Variants in RAB37 observed in about 807,000 individuals in gnomAD.
The protein encoded by RAB37 is ras-related protein Rab-37.
A neutral mutation model predicts 33.1 loss-of-function variants in RAB37; 29 were observed. The ratio of observed to expected loss-of-function variants is 0.88; its 90% confidence interval spans 0.65 to 1.20. The LOEUF is 1.20. Ranked by LOEUF, RAB37 falls within the 50% of genes most tolerant of loss-of-function variation. The pLI, the probability that RAB37 is intolerant of heterozygous loss-of-function variation, is 0.00. For missense variants in RAB37, 299 were observed against 301.1 expected (o/e 0.99, Z 0.05); for synonymous variants, 128 against 119.5 (o/e 1.07, Z -0.47).
At chr17:74,688,131 T>C (rs1166678455) in intron 1 of RAB37, among the ~76,000 whole-genome samples, 2 of 152,224 alleles carry the variant, frequency 1.3e-5, no homozygotes, top group African/African-American at 2.4e-5. Flanking sequence ...TGCTCACAGC[T>C]GGCAGGCTCT....
chr17:74,714,112 G>A (rs371498844), intron 1 of RAB37, among the ~76,000 whole-genome samples: 8 of 151,962 alleles, frequency 5.3e-5, no homozygotes, highest in African/African-American at 1.9e-4. Context: ...TCGGGAGGCC[G>A]AGGTAGGAGA....
intron 1 of RAB37, among the ~76,000 whole-genome samples, chr17:74,708,709 G>A (rs945422647): frequency 3.3e-5 from 5 of 152,154 alleles, no homozygotes; most frequent in Admixed American, 2.6e-4. Context: ...GAGGTGAGGA[G>A]ATCGAGACCA....
At chr17:74,733,069 T>C (rs1273788467), upstream of RAB37, among the ~76,000 whole-genome samples, 2 of 152,052 alleles carry the variant, frequency 1.3e-5, no homozygotes. Flanking sequence ...GTGTGAGGCA[T>C]GGGGTCCATT....
intron 1 of RAB37, chr17:74,695,021 G>A (rs2032289599): frequency 4.0e-6 from 6 of 1,498,620 alleles, no homozygotes; most frequent in South Asian, 2.5e-5. Flanking sequence ...CTGATGAGGG[G>A]AGCAGGGGGC....
Position 74,742,223 on chromosome 17 carries a change from C to G in RAB37, c.205-31C>G. ...GAGCTGAGGAGCCACATGACTCCTGCCCTCCCATCCTCTGCCTTTTTCTCT... is the reference window on the plus strand; with the variant it reads ...GAGCTGAGGAGCCACATGACTCCTGGCCTCCCATCCTCTGCCTTTTTCTCT... On this transcript the variant is annotated intron_variant, in intron 2 of 8. Coordinates refer to ENST00000392613, the MANE Select transcript of RAB37 (RefSeq NM_001006638.3). The surrounding 1 kb of genome is among the most constrained non-coding windows in gnomAD (Gnocchi z 4.0). The G allele has an allele frequency of 3.1e-6, 5 of 1,610,916 alleles. No homozygotes were observed. The South Asian group carries it at 5.5e-5, about 18-fold the overall frequency.
At chr17:74,736,590 C>G (rs1364052037), upstream of RAB37, 4 of 1,527,182 alleles carry the variant, frequency 2.6e-6, no homozygotes, top group South Asian at 3.6e-5. Flanking sequence ...CTGCGCAGCC[C>G]TCTTGCGAAA....
chr17:74,744,284 A>G lies in RAB37; in HGVS notation c.367-24A>G, dbSNP rs2034693930. On this transcript the variant is annotated intron_variant, in intron 5 of 8. Transcript: ENST00000392613. The surrounding 1 kb of genome is among the most constrained non-coding windows in gnomAD (Gnocchi z 4.2). The stretch of plus-strand genomic sequence containing the variant: ...GGGGCAGCAGGAGGAAGAGAATGCC[A>G]GTCTCGCACGCCCTCTCCCACAGGC... The G allele has an allele frequency of 1.9e-6, 3 of 1,606,746 alleles. No homozygotes were observed. The highest frequency in any genetic ancestry group is 2.6e-6 in the Non-Finnish European group (3 of 1,175,338).
At chr17:74,716,084 A>G (rs1451459474) in intron 1 of RAB37, among the ~76,000 whole-genome samples, 1 of 152,154 alleles carries the variant, frequency 6.6e-6, no homozygotes, top group Non-Finnish European at 1.5e-5. Flanking sequence ...CTGCTCCTCT[A>G]ACCAAGTGCC....
chr17:74,744,527 C>A lies in RAB37; in HGVS notation c.432+154C>A. 1 of 721,832 alleles carries A rather than the reference C, an allele frequency of 1.4e-6. No individual in the cohort carries two copies. 44.7% of individuals were successfully genotyped at this position (721,832 alleles called of 1,614,324 possible). On this transcript the variant is annotated intron_variant, in intron 6 of 8. Coordinates refer to ENST00000392613, the MANE Select transcript of RAB37 (RefSeq NM_001006638.3). This position sits in a 1 kb window ranked among gnomAD's most constrained non-coding sequence, Gnocchi z 4.2. ...TCAGACATATCTGGAGGCTTCTGCC[C>A]ATCCCATCTGCCCCTTCCAGGGAAA...
rs965292409 is a variant in RAB37 at position 74,686,827 on chromosome 17, A to G, written c.72+15169A>G. Among the ~76,000 whole-genome samples, 3 of 152,114 alleles carry G rather than the reference A, an allele frequency of 2.0e-5. 1 individual carries two copies. The highest frequency in any genetic ancestry group is 4.4e-5 in the Non-Finnish European group (3 of 68,024). On this transcript the variant is annotated intron_variant, in intron 1 of 7. Coordinates refer to the RAB37 transcript ENST00000340415. The stretch of plus-strand genomic sequence containing the variant: ...TCGCAGTCCTTCTTTGCTTATTATT[A>G]ATTTTGCAGAGGCTGTGTGAAGTTT...
chr17:74,726,302 C>T (rs918005481), intron 1 of RAB37, among the ~76,000 whole-genome samples: 1 of 151,136 alleles, frequency 6.6e-6, no homozygotes, highest in African/African-American at 2.4e-5. Context: ...AGCCAAGGTT[C>T]AGCTGAATCT....
Position 74,671,769 on chromosome 17 carries a change from C to A in RAB37, c.72+111C>A. 4.4e-6 allele frequency: 4 copies of A among 911,790 alleles called. No homozygotes were observed. The highest frequency in any genetic ancestry group is 7.0e-6 in the Non-Finnish European group (4 of 570,772). 56.5% of individuals were successfully genotyped at this position (911,790 alleles called of 1,614,324 possible). ...GACTTAATGAGAAACTAGCTTGTAT[C>A]TGTGAGTCTGGGGAGCCCTTTCTGT... On this transcript the variant is annotated intron_variant, in intron 1 of 7. Coordinates refer to the RAB37 transcript ENST00000340415. The surrounding 1 kb of genome is among the most constrained non-coding windows in gnomAD (Gnocchi z 5.0).
In RAB37 at chr17:74,729,472, AAGG is replaced by A; in HGVS notation, c.183+111_183+113del. 1.3e-6 allele frequency: 1 copy of A among 796,940 alleles called. No individual in the cohort carries two copies. Among genetic ancestry groups the A allele is most frequent in the Non-Finnish European group, 2.2e-6 (1 of 447,664 alleles). The allele number at this position is 796,940 out of a possible 1,614,324, so 49.4% of individuals were successfully genotyped here. A position where few individuals can be genotyped will look rare whatever the true frequency, so the allele number is the denominator to read the frequency against. ...GGTGGACACTCGCATTGGATCATTCAAGGAGGATTAAGGAGAAGACTGTTCCCC... is the reference window on the plus strand; with the variant it reads ...GGTGGACACTCGCATTGGATCATTCAAGGATTAAGGAGAAGACTGTTCCCC... On this transcript the variant is annotated intron_variant, in intron 2 of 7. Transcript: ENST00000340415. The surrounding 1 kb of genome is among the most constrained non-coding windows in gnomAD (Gnocchi z 4.2).
rs941094889 is a variant in RAB37 at position 74,727,559 on chromosome 17, T to C, written c.73-1697T>C. On this transcript the variant is annotated intron_variant, in intron 1 of 7. Coordinates refer to the RAB37 transcript ENST00000340415. ...AACAGGCCTGCCTCAGTGTCCCTGC[T>C]GTGCTCCGCCTTTGGCTGGTAATTG... Among the ~76,000 whole-genome samples, 3 of 152,360 alleles carry C rather than the reference T, an allele frequency of 2.0e-5. No individual in the cohort carries two copies. The East Asian group carries it at 5.8e-4, about 29-fold the overall frequency.
intron 1 of RAB37, among the ~76,000 whole-genome samples, chr17:74,683,891 CGG>C (rs899923441): frequency 2.6e-5 from 4 of 152,030 alleles, no homozygotes; most frequent in Non-Finnish European, 5.9e-5. Flanking sequence ...GCGAGGGTCA[CGG>C]GCAGCAGGAA....
chr17:74,681,228 T>C (rs777470944), intron 1 of RAB37, among the ~76,000 whole-genome samples: 4 of 152,178 alleles, frequency 2.6e-5, no homozygotes, highest in Non-Finnish European at 5.9e-5. Flanking sequence ...GCTGAGCCCT[T>C]GGGGACCAGG....
rs1209471572 is a variant in RAB37 at position 74,747,209 on chromosome 17, G to C, written c.*1798G>C. On this transcript the variant is annotated 3_prime_UTR_variant, in exon 9 of 9. Coordinates refer to ENST00000392613, the MANE Select transcript of RAB37 (RefSeq NM_001006638.3). ...CGTGGCCTCCCTCAGGCAGAGCAGG[G>C]AGGAGGCTGACATTGCCAGTCTCTT... The C allele has an allele frequency of 1.3e-5, 2 of 152,252 alleles. No homozygotes were observed. The highest frequency in any genetic ancestry group is 3.9e-4 in the East Asian group (2 of 5,184). The allele number at this position is 152,252 out of a possible 1,614,324, so 9.4% of individuals were successfully genotyped here.
rs1334184845 is a variant in RAB37, at chr17:74,691,866, AT to A, written c.72+20225del. Among the ~76,000 whole-genome samples, 1,086 of 139,364 alleles carry A rather than the reference AT, an allele frequency of 7.8e-3. 4 individuals are homozygous for A. Among genetic ancestry groups the A allele is most frequent in the Middle Eastern group, 0.015 (4 of 264 alleles). The allele number at this position is 139,364 out of a possible 152,430, so 91.4% of individuals were successfully genotyped here. A position where few individuals can be genotyped will look rare whatever the true frequency, so the allele number is the denominator to read the frequency against. On this transcript the variant is annotated intron_variant, in intron 1 of 7. Transcript: ENST00000340415. ...CTGATCTAAGGCCTTATGTTATGCC[AT>A]TTTTTTTTTTTTTTTTGAGACGGAG...
At chr17:74,686,377 G>A (rs2032055121) in intron 1 of RAB37, among the ~76,000 whole-genome samples, 1 of 151,836 alleles carries the variant, frequency 6.6e-6, no homozygotes, top group African/African-American at 2.4e-5. Context: ...ACAGACGTGA[G>A]CCACCAAGCC....
Sources: allele counts gnomAD v4.1 joint callset (sites outside exome capture counted in the v4.1 genomes callset), GRCh38; gene constraint gnomAD v4.1.1; non-coding constraint Gnocchi (gnomAD v3.1); transcripts MANE v1.5; gene names NCBI Gene and HGNC (gene_info 2026-07-23, HGNC 2026-07-21).